Variants in MAGI2 observed in about 807,000 individuals in gnomAD.
The protein encoded by MAGI2 is membrane associated guanylate kinase, WW and PDZ domain containing 2, also known as membrane-associated guanylate kinase, WW and PDZ domain-containing protein 2.
MAGI2 carries 35 observed loss-of-function variants against 133.3 expected under a neutral mutation model. The observed-to-expected ratio is 0.26, with a 90% CI of 0.20 to 0.35. The LOEUF (loss-of-function observed/expected upper bound fraction) is 0.35. MAGI2 is among the 10% of genes least tolerant of loss of function. The pLI, the probability that MAGI2 is intolerant of heterozygous loss-of-function variation, is 1.00. For missense variants in MAGI2, 1,636 were observed against 1,863.4 expected, an observed-to-expected ratio of 0.88 and a Z score of 2.25; for synonymous variants, 729 against 710.6, an observed-to-expected ratio of 1.03 and a Z score of -0.41.
At chr7:78,512,193 A>G (rs1220625356) in intron 4 of MAGI2, among the ~76,000 whole-genome samples, 1 of 151,930 alleles carries the variant, frequency 6.6e-6, no homozygotes, top group Non-Finnish European at 1.5e-5. Context: ...ACAGTGTGGC[A>G]AATATATCTA....
intron 21 of MAGI2, among the ~76,000 whole-genome samples, chr7:78,027,158 T>C (rs189512188): frequency 5.1e-4 from 78 of 152,298 alleles, no homozygotes; most frequent in Middle Eastern, 3.4e-3. Context: ...GCTAGTCTGA[T>C]TGAGAAATGA....
intron 2 of MAGI2, among the ~76,000 whole-genome samples, chr7:78,762,151 T>TAGAGATTTTTGGATTAAAACAAGG (rs1439642894): frequency 6.6e-6 from 1 of 152,046 alleles, no homozygotes; most frequent in Non-Finnish European, 1.5e-5. Flanking sequence ...CAAGAACAAG[T>TAGAGATTTTTGGATTAAAACAAGG]AGAGATTTTT....
intron 7 of MAGI2, among the ~76,000 whole-genome samples, chr7:78,361,028 G>A (rs569962344): frequency 2.3e-4 from 35 of 152,240 alleles, no homozygotes; most frequent in Middle Eastern, 3.4e-3. Context: ...ACTACCCTGT[G>A]TGCTATTGTG....
intron 21 of MAGI2, among the ~76,000 whole-genome samples, chr7:78,032,238 A>G (rs1175170989): frequency 6.6e-6 from 1 of 151,864 alleles, no homozygotes; most frequent in Non-Finnish European, 1.5e-5. Context: ...AACAAATACT[A>G]TTTCTTTCTT....
chr7:78,510,561 A>G (rs181270432), intron 4 of MAGI2, among the ~76,000 whole-genome samples: 86 of 152,306 alleles, frequency 5.6e-4, no homozygotes, highest in Admixed American at 3.5e-3. Context: ...GGGGTTTTCA[A>G]AAAGTAATGC....
intron 10 of MAGI2, among the ~76,000 whole-genome samples, chr7:78,243,844 G>A (rs1791449010): frequency 6.6e-6 from 1 of 151,998 alleles, no homozygotes; most frequent in Admixed American, 6.6e-5. Context: ...GCTTGATTAT[G>A]GCAATCACTC....
At chr7:79,407,053 A>T (rs971563656) in intron 1 of MAGI2, among the ~76,000 whole-genome samples, 15 of 152,198 alleles carry the variant, frequency 9.9e-5, no homozygotes, top group African/African-American at 3.6e-4. Flanking sequence ...TGGCTTAGAA[A>T]GATGGATTAT....
At position 78,142,663 on chromosome 7, in the gene MAGI2, T is replaced by G. The variant is rs570396197; in HGVS notation, c.2846-7457A>C. On this transcript the variant is annotated intron_variant, in intron 16 of 21. Coordinates refer to ENST00000354212, the MANE Select transcript of MAGI2 (RefSeq NM_012301.4). ...CTCTTTAAGTAGATGTTAAGATAGA[T>G]CACGGTATTTCAAGGGGTTCATGTA... Among the ~76,000 whole-genome samples, 5 of 152,262 alleles carry G rather than the reference T, an allele frequency of 3.3e-5. No individual in the cohort carries two copies. The South Asian group carries it at 1.0e-3, about 32-fold the overall frequency.
chr7:78,618,708 T>C (rs1305240313), intron 3 of MAGI2: 1 of 151,840 alleles, frequency 6.6e-6, no homozygotes, highest in Admixed American at 6.6e-5. Context: ...GAAAATTCTG[T>C]CATTTGCAAC....
intron 9 of MAGI2, among the ~76,000 whole-genome samples, chr7:78,271,098 G>A (rs1584651869): frequency 6.6e-6 from 1 of 152,118 alleles, no homozygotes; most frequent in East Asian, 1.9e-4. Flanking sequence ...GATATTGGCT[G>A]TGGGTTTGTC....
At chr7:78,656,448 TTAC>T (rs1812284830) in intron 2 of MAGI2, among the ~76,000 whole-genome samples, 1 of 151,982 alleles carries the variant, frequency 6.6e-6, no homozygotes, top group Admixed American at 6.5e-5. Flanking sequence ...AGAAAGAAAA[TTAC>T]TACATGATAT....
chr7:78,458,929 G>A (rs1262286184), intron 6 of MAGI2, among the ~76,000 whole-genome samples: 2 of 152,050 alleles, frequency 1.3e-5, no homozygotes, highest in Admixed American at 6.6e-5. Context: ...CCACTGGGCC[G>A]GGCTCATTAC....
At chr7:78,546,893 A>G (rs970221950) in intron 3 of MAGI2, among the ~76,000 whole-genome samples, 3 of 152,214 alleles carry the variant, frequency 2.0e-5, no homozygotes, top group African/African-American at 7.2e-5. Flanking sequence ...TTACTTTTGC[A>G]TAGCACTCAA....
intron 2 of MAGI2, among the ~76,000 whole-genome samples, chr7:78,633,671 A>G (rs1436665914): frequency 4.2e-5 from 6 of 141,204 alleles, no homozygotes; most frequent in Non-Finnish European, 9.0e-5. Context: ...GCGCCACTGC[A>G]CTCCAGCCTG....
intron 9 of MAGI2, among the ~76,000 whole-genome samples, chr7:78,280,912 A>G (rs1795506107): frequency 1.3e-5 from 2 of 150,480 alleles, no homozygotes; most frequent in Admixed American, 1.3e-4. Flanking sequence ...TTGTCTTCCC[A>G]CCAGTTCACT....
At chr7:78,905,202 T>G (rs559840236) in intron 2 of MAGI2, among the ~76,000 whole-genome samples, 1 of 152,320 alleles carries the variant, frequency 6.6e-6, no homozygotes, top group African/African-American at 2.4e-5. Flanking sequence ...TCAGCATTTC[T>G]CAAATGCATG....
In MAGI2 at chr7:78,127,361, G is replaced by C; in HGVS notation, c.3259C>G (p.Pro1087Ala). The C allele has an allele frequency of 2.5e-6, 4 of 1,608,990 alleles. No homozygotes were observed. The highest frequency in any genetic ancestry group is 3.4e-6 in the Non-Finnish European group (4 of 1,179,974). Residue 1087 changes from proline (P) to alanine (A), a missense_variant, in exon 19 of 22, where the codon CCA becomes GCA. Pro to Ala is a conservative substitution (Grantham distance 27, BLOSUM62 -1). Coordinates refer to ENST00000354212, the MANE Select transcript of MAGI2 (RefSeq NM_012301.4). ...GGGGGCTGCCTGTAGTCTGTGAATGGAGGCTGTCGGATGTCTGGTTTCACA... is the reference window on the plus strand; with the variant it reads ...GGGGGCTGCCTGTAGTCTGTGAATGCAGGCTGTCGGATGTCTGGTTTCACA... ...QDVKPDIRQP[P>A]FTDYRQPPLD... is the part of the protein sequence containing the mutation.
At chr7:78,609,250 C>T (rs756836269) in intron 3 of MAGI2, among the ~76,000 whole-genome samples, 5 of 152,162 alleles carry the variant, frequency 3.3e-5, no homozygotes, top group Admixed American at 6.5e-5. Context: ...TCCTTCAGTG[C>T]AATCAAGTTA....
intron 21 of MAGI2, among the ~76,000 whole-genome samples, chr7:78,028,372 C>CA (rs1809172702): frequency 6.6e-6 from 1 of 152,122 alleles, no homozygotes; most frequent in South Asian, 2.1e-4. Flanking sequence ...AAAGCATAAT[C>CA]AAAGGTGCAG....
Sources: gnomAD v4.1 joint callset for allele counts (sites outside exome capture counted in the v4.1 genomes callset) on GRCh38, gnomAD v4.1.1 for gene constraint, MANE v1.5 for transcripts, NCBI Gene and HGNC (gene_info 2026-07-23, HGNC 2026-07-21) for gene names.